ARPC5: variants seen among roughly 807,000 people sequenced by gnomAD.
ARPC5 encodes the protein actin related protein 2/3 complex subunit 5.
In ARPC5, 5 loss-of-function variants were observed where a neutral mutation model predicts 15.4. The ratio of observed to expected loss-of-function variants is 0.32; its 90% CI spans 0.17 to 0.68. ARPC5 has a LOEUF of 0.68. Among genes scored for constraint, ARPC5 ranks in the 30% least tolerant of loss-of-function variants. The probability of loss-of-function intolerance (pLI) is 0.71; values close to 1 mark genes in which losing one functional copy is unlikely to be tolerated. For synonymous variants in ARPC5, 85 were observed against 72.2 expected, an observed-to-expected ratio of 1.18 and a Z score of -0.90; for missense variants, 138 against 192.8, an observed-to-expected ratio of 0.72 and a Z score of 1.68.
Position 183,623,734 on chromosome 1 carries a change from A to G in ARPC5, c.*3798T>C. The G allele has an allele frequency of 1.9e-6, 1 of 539,908 alleles. No individual in the cohort carries two copies. Among genetic ancestry groups the G allele is most frequent in the Non-Finnish European group, 3.3e-6 (1 of 304,144 alleles). The allele number at this position is 539,908 out of a possible 1,614,324, so 33.4% of individuals were successfully genotyped here. ...GGAAAAATTGTGTATCTAAAAATTA[A>G]TCAATCTGGCTGGGCGCGGTGGTCA... On this transcript the variant is annotated 3_prime_UTR_variant, in exon 4 of 4. Coordinates refer to ENST00000359856, the MANE Select transcript of ARPC5 (RefSeq NM_005717.4).
rs1649135012 is a variant in ARPC5 at position 183,627,355 on chromosome 1, C to T, written c.*177G>A. On this transcript the variant is annotated 3_prime_UTR_variant, in exon 4 of 4. Transcript: ENST00000359856. ...TTAACACAATTTCTTCTATATTATC[C>T]CAATTTTCATTAAAGGACAACTGAT... 6.1e-6 allele frequency: 4 copies of T among 655,082 alleles called. No homozygotes were observed. In the Admixed American group the frequency reaches 1.0e-4, roughly 17 times the overall value. The allele number at this position is 655,082 out of a possible 1,614,324, so 40.6% of individuals were successfully genotyped here.
intron 3 of ARPC5, 93 bp from the exon 4 acceptor site, chr1:183,627,687 C>G: frequency 1.1e-6 from 1 of 928,834 alleles, no homozygotes; most frequent in Non-Finnish European, 1.8e-6. Flanking sequence ...GGAATGGGCA[C>G]TGCTATAGAC....
Position 183,623,288 on chromosome 1 carries a change from C to A in ARPC5, c.*4244G>T. Reference sequence around the variant, plus strand: ...ACATAGATTATTTATGTTGATTACTCTTACACACTCAAGTAACAGAAATGA... The same window carrying A: ...ACATAGATTATTTATGTTGATTACTATTACACACTCAAGTAACAGAAATGA... On this transcript the variant is annotated 3_prime_UTR_variant, in exon 4 of 4. Coordinates refer to ENST00000359856, the MANE Select transcript of ARPC5 (RefSeq NM_005717.4). 1 of 808,778 alleles carries A rather than the reference C, an allele frequency of 1.2e-6. No individual in the cohort carries two copies. Among genetic ancestry groups the A allele is most frequent in the Non-Finnish European group, 2.0e-6 (1 of 497,454 alleles). The allele number at this position is 808,778 out of a possible 1,614,324, so 50.1% of individuals were successfully genotyped here.
chr1:183,623,364 G>T lies in ARPC5; in HGVS notation c.*4168C>A, dbSNP rs1458459224. On this transcript the variant is annotated 3_prime_UTR_variant, in exon 4 of 4. Transcript: ENST00000359856. The stretch of plus-strand genomic sequence containing the variant: ...GAATGCTGTGTCCCATGTTGCTTGT[G>T]GTTGGATCATCAATGTGGTGAAGTA... 5 of 1,504,554 alleles carry T rather than the reference G, an allele frequency of 3.3e-6. No individual in the cohort carries two copies. In the East Asian group the frequency reaches 1.2e-4, roughly 37 times the overall value. 93.2% of individuals were successfully genotyped at this position (1,504,554 alleles called of 1,614,324 possible).
At position 183,621,474 on chromosome 1, in the gene ARPC5, T is replaced by G. The variant is rs1648933720; in HGVS notation, c.*6058A>C. 1 of 152,202 alleles carries G rather than the reference T, an allele frequency of 6.6e-6. No homozygotes were observed. The highest frequency in any genetic ancestry group is 2.1e-4 in the South Asian group (1 of 4,832). The allele number at this position is 152,202 out of a possible 1,614,324, so 9.4% of individuals were successfully genotyped here. On this transcript the variant is annotated 3_prime_UTR_variant, in exon 4 of 4. Coordinates refer to ENST00000359856, the MANE Select transcript of ARPC5 (RefSeq NM_005717.4). Reference sequence around the variant, plus strand: ...TAAAAATAAAATTGTTATCGGAAAGTGGTCCCAATCCAGACCCCAAGTGAG... The same window carrying G: ...TAAAAATAAAATTGTTATCGGAAAGGGGTCCCAATCCAGACCCCAAGTGAG...
chr1:183,629,487 T>C (rs1271797799), intron 3 of ARPC5, among the ~76,000 whole-genome samples: 1 of 149,264 alleles, frequency 6.7e-6, no homozygotes, highest in African/African-American at 2.6e-5. Flanking sequence ...TGTTTTACTA[T>C]GTGCTTTTTT....
chr1:183,632,663 G>A (rs1447039077), intron 2 of ARPC5: 1 of 153,578 alleles, frequency 6.5e-6, no homozygotes, highest in African/African-American at 2.4e-5. Context: ...TGGGTGCTGG[G>A]ACCACAAACC....
intron 1 of ARPC5, chr1:183,634,051 C>T (rs961385092): frequency 6.6e-6 from 1 of 152,194 alleles, no homozygotes; most frequent in Non-Finnish European, 1.5e-5. Flanking sequence ...TACAGCAGTA[C>T]CATTTAAAAG....
In ARPC5 at chr1:183,625,384, T is replaced by A. The variant is rs1224659919; in HGVS notation, c.*2148A>T. 1 of 152,234 alleles carries A rather than the reference T, an allele frequency of 6.6e-6. No individual in the cohort carries two copies. The highest frequency in any genetic ancestry group is 2.4e-5 in the African/African-American group (1 of 41,464). 9.4% of individuals were successfully genotyped at this position (152,234 alleles called of 1,614,324 possible). Reference sequence around the variant, plus strand: ...TCAGTAAAGCTGATAGACTGGCAGATTCTAAATACACCCACCCATTCTTGT... The same window carrying A: ...TCAGTAAAGCTGATAGACTGGCAGAATCTAAATACACCCACCCATTCTTGT... On this transcript the variant is annotated 3_prime_UTR_variant, in exon 4 of 4. Transcript: ENST00000359856.
Position 183,623,677 on chromosome 1 carries a change from G to T in ARPC5, c.*3855C>A, listed in dbSNP as rs1227103941. The T allele has an allele frequency of 3.4e-5, 21 of 626,710 alleles. No homozygotes were observed. The East Asian group carries it at 5.3e-4, about 16-fold the overall frequency. The allele number at this position is 626,710 out of a possible 1,614,324, so 38.8% of individuals were successfully genotyped here. On this transcript the variant is annotated 3_prime_UTR_variant, in exon 4 of 4. Transcript: ENST00000359856. ...TATTTTGGTGCTTTTAACATATTTT[G>T]TCTGTAAGGGGATGTTAGTTGTAAA... is the stretch of plus-strand genomic sequence containing the variant.
chr1:183,635,676 G>A lies in ARPC5; in HGVS notation c.-17C>T, dbSNP rs370633772. On this transcript the variant is annotated 5_prime_UTR_variant, in exon 1 of 4. Transcript: ENST00000359856. ...CTTCGACATCCCAATCCCGACCAGC[G>A]GCAAAGGCCTCTTCTTGGCGCTGCC... 1.4e-4 allele frequency: 222 copies of A among 1,607,702 alleles called. 1 individual carries two copies. Among genetic ancestry groups the A allele is most frequent in the Admixed American group, 3.4e-5 (2 of 59,284 alleles).
At chr1:183,632,980 G>A in intron 2 of ARPC5, 102 bp downstream of exon 2, 2 of 907,956 alleles carry the variant, frequency 2.2e-6, no homozygotes, top group South Asian at 1.6e-5. Context: ...CTATGTCAAA[G>A]ATAGCAAACA....
In ARPC5 at chr1:183,623,637, G is replaced by T; in HGVS notation, c.*3895C>A. 4.9e-6 allele frequency: 4 copies of T among 819,428 alleles called. No homozygotes were observed. Among genetic ancestry groups the T allele is most frequent in the South Asian group, 1.8e-5 (1 of 55,478 alleles). The allele number at this position is 819,428 out of a possible 1,614,324, so 50.8% of individuals were successfully genotyped here. On this transcript the variant is annotated 3_prime_UTR_variant, in exon 4 of 4. Coordinates refer to ENST00000359856, the MANE Select transcript of ARPC5 (RefSeq NM_005717.4). ...AGGCCGTTGGTCTGTTCCTTAATTG[G>T]GTGTGTTTTTCAATTATTTTGGTGC...
chr1:183,635,282 G>A (rs1051082137), intron 1 of ARPC5, among the ~76,000 whole-genome samples: 1 of 152,234 alleles, frequency 6.6e-6, no homozygotes, highest in African/African-American at 2.4e-5. Flanking sequence ...TGGAAGGCGC[G>A]CGGGGGAGGG....
chr1:183,623,220 G>T lies in ARPC5; in HGVS notation c.*4312C>A. On this transcript the variant is annotated 3_prime_UTR_variant, in exon 4 of 4. Transcript: ENST00000359856. ...CTACTCAATTTGTGTTTCATGTGGT[G>T]TGGATTCTAGGGAACTGTTTCAGAG... 1.7e-6 allele frequency: 1 copy of T among 589,046 alleles called. No homozygotes were observed. Among genetic ancestry groups the T allele is most frequent in the Non-Finnish European group, 3.0e-6 (1 of 333,174 alleles). 36.5% of individuals were successfully genotyped at this position (589,046 alleles called of 1,614,324 possible).
rs1167694501 is a variant in ARPC5 at position 183,625,532 on chromosome 1, C to T, written c.*2000G>A. On this transcript the variant is annotated 3_prime_UTR_variant, in exon 4 of 4. Transcript: ENST00000359856. Reference sequence around the variant, plus strand: ...AAAGTTTGTAATTGGTTATGCTATACCTACTTGACTACCTCTAATACCTAT... The same window carrying T: ...AAAGTTTGTAATTGGTTATGCTATATCTACTTGACTACCTCTAATACCTAT... 6.6e-6 allele frequency: 1 copy of T among 152,162 alleles called. No individual in the cohort carries two copies. Among genetic ancestry groups the T allele is most frequent in the Non-Finnish European group, 1.5e-5 (1 of 68,020 alleles). 9.4% of individuals were successfully genotyped at this position (152,162 alleles called of 1,614,324 possible).
chr1:183,632,689 T>C (rs1263804019), intron 2 of ARPC5: 1 of 154,986 alleles, frequency 6.5e-6, no homozygotes, highest in Admixed American at 6.5e-5. Context: ...CTTTTTAACC[T>C]TCTCATATGT....
In ARPC5 at chr1:183,627,513, T is replaced by C; in HGVS notation, c.*19A>G. 1 of 1,610,512 alleles carries C rather than the reference T, an allele frequency of 6.2e-7. No individual in the cohort carries two copies. On this transcript the variant is annotated 3_prime_UTR_variant, in exon 4 of 4. Transcript: ENST00000359856. Reference sequence around the variant, plus strand: ...CAGCAATTCCCACTCCCGAGGCAGATAATCCACTTCCTGCCAGACTACACA... The same window carrying C: ...CAGCAATTCCCACTCCCGAGGCAGACAATCCACTTCCTGCCAGACTACACA...
Position 183,621,611 on chromosome 1 carries a change from C to T in ARPC5, c.*5921G>A, listed in dbSNP as rs1045620845. The T allele has an allele frequency of 2.0e-5, 3 of 152,188 alleles. No homozygotes were observed. Among genetic ancestry groups the T allele is most frequent in the African/African-American group, 4.8e-5 (2 of 41,450 alleles). 9.4% of individuals were successfully genotyped at this position (152,188 alleles called of 1,614,324 possible). A position where few individuals can be genotyped will look rare whatever the true frequency, so the allele number is the denominator to read the frequency against. ...GGCTACTCCATAGGCAGAGCAGCCC[C>T]GAGGGCTGCTGGTTGCCCATTTTAA... is the stretch of plus-strand genomic sequence containing the variant. On this transcript the variant is annotated 3_prime_UTR_variant, in exon 4 of 4. Coordinates refer to ENST00000359856, the MANE Select transcript of ARPC5 (RefSeq NM_005717.4).
Sources: allele counts gnomAD v4.1 joint callset (sites outside exome capture counted in the v4.1 genomes callset), GRCh38; gene constraint gnomAD v4.1.1; transcripts MANE v1.5; gene names NCBI Gene and HGNC (gene_info 2026-07-23, HGNC 2026-07-21).